The following FRMPD4 variants were observed in gnomAD, a reference collection of about 807,000 sequenced individuals.
The protein encoded by FRMPD4 is FERM and PDZ domain containing 4.
Under a neutral mutation model 94.1 loss-of-function variants are expected in FRMPD4, and 22 were observed. The ratio of observed to expected loss-of-function variants is 0.23; its 90% CI spans 0.17 to 0.33. FRMPD4 has a LOEUF of 0.33. Among genes scored for constraint, FRMPD4 ranks in the 10% least tolerant of loss-of-function variants. The probability of loss-of-function intolerance (pLI) is 1.00; values close to 1 mark genes in which losing one functional copy is unlikely to be tolerated. For synonymous variants in FRMPD4, 631 were observed against 548.6 expected (o/e 1.15, Z -2.10); for missense variants, 1,111 against 1,339.9 (o/e 0.83, Z 2.67).
intron 1 of FRMPD4, among the ~76,000 whole-genome samples, chrX:12,355,263 C>A (rs1438455496): frequency 9.1e-6 from 1 of 110,341 alleles, no homozygotes; most frequent in African/African-American, 3.3e-5. Flanking sequence ...GCAGCCTCGA[C>A]CTCCTGGGCT....
At chrX:12,098,135 G>A (rs998506542) in intron 3 of FRMPD4, among the ~76,000 whole-genome samples, 13 of 111,918 alleles carry the variant, frequency 1.2e-4, no homozygotes, top group African/African-American at 4.2e-4. Flanking sequence ...GCATTTGTTT[G>A]AGGACTGGTT....
intron 1 of FRMPD4, among the ~76,000 whole-genome samples, chrX:11,833,008 A>G (rs145721672): frequency 0.022 from 2,482 of 112,086 alleles, 62 homozygotes; most frequent in African/African-American, 0.077. Context: ...TTTTCTCCCT[A>G]CTAACCCATG....
chrX:12,420,426 A>G (rs183400161), intron 1 of FRMPD4, among the ~76,000 whole-genome samples: 2 of 111,035 alleles, frequency 1.8e-5, no homozygotes, highest in East Asian at 5.7e-4. Flanking sequence ...GAGCTCATCA[A>G]TTCACTATTT....
intron 1 of FRMPD4, among the ~76,000 whole-genome samples, chrX:12,228,681 T>C (rs2147771321): frequency 8.9e-6 from 1 of 112,651 alleles, no homozygotes; most frequent in Non-Finnish European, 1.9e-5. Context: ...ACTTGGCATT[T>C]CTTAGTTCTT....
At chrX:11,850,134 C>T (rs1327683140) in intron 1 of FRMPD4, among the ~76,000 whole-genome samples, 1 of 112,152 alleles carries the variant, frequency 8.9e-6, no homozygotes, top group Non-Finnish European at 1.9e-5. Flanking sequence ...ATAGACAATT[C>T]TCCAAAGAAG....
At chrX:12,137,085 C>A (rs2055607387), upstream of FRMPD4, among the ~76,000 whole-genome samples, 1 of 111,870 alleles carries the variant, frequency 8.9e-6, no homozygotes, top group Non-Finnish European at 1.9e-5. Context: ...CAGACCCAAA[C>A]TATAATTATT....
chrX:12,239,914 C>T (rs1469147106), intron 1 of FRMPD4, among the ~76,000 whole-genome samples: 1 of 111,972 alleles, frequency 8.9e-6, no homozygotes, highest in Non-Finnish European at 1.9e-5. Context: ...GACCTCATCG[C>T]CTTTCAAAGG....
At chrX:11,990,499 C>A (rs769053779) in intron 3 of FRMPD4, among the ~76,000 whole-genome samples, 1 of 112,259 alleles carries the variant, frequency 8.9e-6, no homozygotes, top group South Asian at 3.7e-4. Flanking sequence ...AAAAAGAAAT[C>A]TCAGGAAAAC....
At chrX:12,543,994 C>A (rs2058446511) in intron 2 of FRMPD4, among the ~76,000 whole-genome samples, 1 of 108,063 alleles carries the variant, frequency 9.3e-6, no homozygotes, top group Non-Finnish European at 1.9e-5. Context: ...GGACAAAAAA[C>A]CAAACACCAC....
Position 12,614,831 on chromosome X carries a change from T to C in FRMPD4, c.372T>C (p.Asn124=), listed in dbSNP as rs1211188004. 8.4e-7 allele frequency: 1 copy of C among 1,195,401 alleles called. No individual in the cohort carries two copies. The highest frequency in any genetic ancestry group is 1.7e-5 in the African/African-American group (1 of 57,354). The change falls in exon 4 of 17, where the codon AAT becomes AAC. Residue 124 remains asparagine, a synonymous_variant. Transcript: ENST00000675598. ...CGGGAGATCAGATTGTAATGATTAA[T>C]GATGAACCGGTCAGCGCTGCACCCA... is the stretch of plus-strand genomic sequence containing the variant. ...LIPGDQIVMI[N]DEPVSAAPRE...
At chrX:12,474,268 C>A (rs1484763038) in intron 1 of FRMPD4, among the ~76,000 whole-genome samples, 1 of 110,792 alleles carries the variant, frequency 9.0e-6, no homozygotes, top group Non-Finnish European at 1.9e-5. Context: ...CCAACGAGAA[C>A]AAAGACACAA....
intron 1 of FRMPD4, among the ~76,000 whole-genome samples, chrX:12,358,573 C>T (rs779811199): frequency 3.6e-5 from 4 of 111,401 alleles, no homozygotes; most frequent in African/African-American, 1.3e-4. Context: ...ATAAAGACCC[C>T]CCAAAATCTC....
rs2058956983 is a variant in FRMPD4, at chrX:12,588,866, C to A, written c.159-20855C>A. On this transcript the variant is annotated intron_variant, in intron 2 of 16. Transcript: ENST00000675598. Reference sequence around the variant, plus strand: ...CACATGCACACACATACATTTTTTTCTTTTTTTCCAGTGAAATAAATAGAA... The same window carrying A: ...CACATGCACACACATACATTTTTTTATTTTTTTCCAGTGAAATAAATAGAA... 2.7e-5 allele frequency among the ~76,000 whole-genome samples: 3 copies of A among 111,950 alleles called. No homozygotes were observed. The South Asian group carries it at 1.1e-3, about 41-fold the overall frequency.
chrX:11,835,677 T>C (rs1385930297), intron 1 of FRMPD4, among the ~76,000 whole-genome samples: 1 of 111,858 alleles, frequency 8.9e-6, no homozygotes. Flanking sequence ...GCCCAGTTAC[T>C]TCATTTCCTC....
intron 1 of FRMPD4, among the ~76,000 whole-genome samples, chrX:11,858,717 A>G (rs1198139608): frequency 8.9e-6 from 1 of 111,784 alleles, no homozygotes; most frequent in Non-Finnish European, 1.9e-5. Context: ...AGAAATAAGA[A>G]TGCTTATTAT....
At chrX:12,391,206 T>C (rs973134623) in intron 1 of FRMPD4, among the ~76,000 whole-genome samples, 1 of 62,718 alleles carries the variant, frequency 1.6e-5, no homozygotes, top group African/African-American at 1.0e-4. Context: ...TCCTTATTCA[T>C]GTGATTGAAG....
At chrX:12,537,696 C>A (rs1458547854) in intron 2 of FRMPD4, among the ~76,000 whole-genome samples, 1 of 108,725 alleles carries the variant, frequency 9.2e-6, no homozygotes, top group Non-Finnish European at 1.9e-5. Flanking sequence ...AAGCAATTCC[C>A]CGCCGCATCC....
intron 3 of FRMPD4, among the ~76,000 whole-genome samples, chrX:11,889,456 T>C (rs1378132349): frequency 1.8e-5 from 2 of 112,329 alleles, no homozygotes; most frequent in Admixed American, 1.9e-4. Flanking sequence ...TTAAGAACTA[T>C]ATAAATGTAA....
At chrX:12,543,255 A>C (rs975256173) in intron 2 of FRMPD4, among the ~76,000 whole-genome samples, 2 of 111,127 alleles carry the variant, frequency 1.8e-5, no homozygotes, top group African/African-American at 3.3e-5. Context: ...TAATTAAACT[A>C]AAGAGCTTCT....
Sources: gnomAD v4.1 joint callset for allele counts (sites outside exome capture counted in the v4.1 genomes callset) on GRCh38, gnomAD v4.1.1 for gene constraint, MANE v1.5 for transcripts, NCBI Gene and HGNC (gene_info 2026-07-23, HGNC 2026-07-21) for gene names.